Variants in SLC4A5 observed in about 807,000 individuals in gnomAD.
SLC4A5 encodes the protein solute carrier family 4 member 5.
Under a neutral mutation model 120.4 loss-of-function variants are expected in SLC4A5, and 96 were observed. The ratio of observed to expected loss-of-function variants is 0.80; its 90% confidence interval spans 0.68 to 0.94. The LOEUF (loss-of-function observed/expected upper bound fraction) is 0.94, where lower values mean the gene tolerates loss of function less well. SLC4A5 is among the 40% of genes least tolerant of loss of function. SLC4A5 has a pLI of 0.00. For synonymous variants in SLC4A5, 550 were observed against 571.1 expected (o/e 0.96, Z 0.53); for missense variants, 1,259 against 1,459.5 (o/e 0.86, Z 2.24).
At chr2:74,306,158 C>T (rs1672636843) in intron 6 of SLC4A5, among the ~76,000 whole-genome samples, 1 of 152,222 alleles carries the variant, frequency 6.6e-6, no homozygotes, top group South Asian at 2.1e-4. Flanking sequence ...TGATCAAAAA[C>T]CACCTAAATC....
At chr2:74,280,078 C>G (rs1177055506) in intron 8 of SLC4A5, among the ~76,000 whole-genome samples, 2 of 152,142 alleles carry the variant, frequency 1.3e-5, no homozygotes, top group Non-Finnish European at 2.9e-5. Flanking sequence ...TCCTCTGAAG[C>G]TCTCAGCACC....
rs151284937 is a variant in SLC4A5, at chr2:74,290,622, T to TGAGAGA, written c.272-4726_272-4721dup. The TGAGAGA allele has an allele frequency of 7.3e-3, 6,478 of 885,276 alleles. 212 individuals are homozygous for TGAGAGA. In the African/African-American group the frequency reaches 0.11, roughly 15 times the overall value. The allele number at this position is 885,276 out of a possible 1,614,324, so 54.8% of individuals were successfully genotyped here. On this transcript the variant is annotated intron_variant, in intron 7 of 30. Transcript: ENST00000394019. ...AGAGACAGAGAGAGAGACAGAGAAG[T>TGAGAGA]GAGAGAGAGAGAGAGAGAGAGAGAG...
intron 6 of SLC4A5, among the ~76,000 whole-genome samples, chr2:74,305,627 A>G (rs1348594404): frequency 2.0e-5 from 3 of 151,872 alleles, no homozygotes; most frequent in African/African-American, 7.3e-5. Flanking sequence ...TACATCTACA[A>G]TTATATATCA....
rs889866921 is a variant in SLC4A5, at chr2:74,233,664, T to G, written c.2434-101A>C. The G allele has an allele frequency of 2.2e-6, 3 of 1,383,950 alleles. No homozygotes were observed. The African/African-American group carries it at 4.4e-5, about 20-fold the overall frequency. 85.7% of individuals were successfully genotyped at this position (1,383,950 alleles called of 1,614,324 possible). On this transcript the variant is annotated intron_variant, in intron 22 of 30. Transcript: ENST00000394019. ...CCACCTCCTCAACTTTCCCTGACTT[T>G]GGGTACTTTTCAAGTGCAATCTTTT...
chr2:74,330,950 G>T (rs1402611965), intron 4 of SLC4A5, among the ~76,000 whole-genome samples: 1 of 146,044 alleles, frequency 6.8e-6, no homozygotes, highest in Non-Finnish European at 1.5e-5. Flanking sequence ...TTATAGGTGA[G>T]GGTGGTGAGG....
rs1335234827 is a variant in SLC4A5 at position 74,308,104 on chromosome 2, T to C, written c.80-3424A>G. On this transcript the variant is annotated intron_variant, in intron 6 of 30. Coordinates refer to ENST00000394019, the Ensembl canonical transcript of SLC4A5. The stretch of plus-strand genomic sequence containing the variant: ...AACAATATTCCACCGATCAATGTAC[T>C]GTAGTTTGTTCATCCATTCTCCTAT... The C allele has an allele frequency of 3.2e-5, 13 of 404,966 alleles. No homozygotes were observed. In the East Asian group the frequency reaches 7.6e-4, roughly 24 times the overall value. The allele number at this position is 404,966 out of a possible 1,614,324, so 25.1% of individuals were successfully genotyped here.
rs1558864722 is a variant in SLC4A5 at position 74,224,866 on chromosome 2, C to CT, written c.3219dup (p.Gly1074ArgfsTer7). On this transcript the variant is annotated frameshift_variant, in exon 28 of 31. Transcript: ENST00000394019. LOFTEE classifies it high-confidence loss of function. ...TCCTCATCACAGTCCTCGTGGGCCC[C>CT]TTTTTTTCTCTTCCTCTTCTTGTCT... is the stretch of plus-strand genomic sequence containing the variant. 5 of 1,613,220 alleles carry CT rather than the reference C, an allele frequency of 3.1e-6. No homozygotes were observed. In the Admixed American group the frequency reaches 6.7e-5, roughly 22 times the overall value.
At chr2:74,277,835 T>C (rs977012502) in intron 8 of SLC4A5, among the ~76,000 whole-genome samples, 5 of 152,102 alleles carry the variant, frequency 3.3e-5, no homozygotes, top group African/African-American at 1.2e-4. Context: ...GTGTTTACAA[T>C]GAAGTCTAAT....
intron 17 of SLC4A5, among the ~76,000 whole-genome samples, chr2:74,249,568 G>C (rs948697798): frequency 1.3e-5 from 2 of 152,184 alleles, no homozygotes; most frequent in African/African-American, 4.8e-5. Context: ...GGCCACATGG[G>C]GCAGCTGGGA....
chr2:74,227,351 C>A (rs1694882087), intron 26 of SLC4A5, among the ~76,000 whole-genome samples: 1 of 152,290 alleles, frequency 6.6e-6, no homozygotes, highest in African/African-American at 2.4e-5. Flanking sequence ...AGCCCTGGAG[C>A]TGGCCACAAA....
intron 7 of SLC4A5, chr2:74,290,724 T>A (rs1672139552): frequency 1.0e-6 from 1 of 985,134 alleles, no homozygotes; most frequent in Admixed American, 6.2e-5. Context: ...AAAGGCTCAG[T>A]GGCTGCAGCA....
intron 16 of SLC4A5, among the ~76,000 whole-genome samples, chr2:74,251,469 T>TA (rs397968092): frequency 0.021 from 3,031 of 143,738 alleles, 102 homozygotes; most frequent in African/African-American, 0.071. Context: ...TTATTTTCTT[T>TA]AAAAAAAAAA....
At chr2:74,268,508 G>T (rs1156409857) in intron 8 of SLC4A5, among the ~76,000 whole-genome samples, 1 of 152,246 alleles carries the variant, frequency 6.6e-6, no homozygotes, top group Non-Finnish European at 1.5e-5. Context: ...GATAGGAACA[G>T]TTCTCAACTG....
rs138207709 is a variant in SLC4A5, at chr2:74,264,320, C to T, written c.563-21G>A. 1.3e-4 allele frequency: 215 copies of T among 1,609,328 alleles called. 1 individual carries two copies. In the African/African-American group the frequency reaches 2.4e-3, roughly 18 times the overall value. On this transcript the variant is annotated intron_variant, in intron 9 of 30. Coordinates refer to ENST00000394019, the Ensembl canonical transcript of SLC4A5. ...ATCATCTGTGTGGAAAACATACACACCTCATCCCTGTGGGACAGAACAGCT... is the reference window on the plus strand; with the variant it reads ...ATCATCTGTGTGGAAAACATACACATCTCATCCCTGTGGGACAGAACAGCT...
At position 74,248,439 on chromosome 2, in the gene SLC4A5, G is replaced by A; in HGVS notation, c.1701C>T (p.Phe567=). 3 of 1,614,180 alleles carry A rather than the reference G, an allele frequency of 1.9e-6. No homozygotes were observed. The African/African-American group carries it at 4.0e-5, about 22-fold the overall frequency. ...TGAGAGGCTGTCCCGAGAAGAGGCA[G>A]AACAAGGAGCCAGCCATGGCAGTGC... is the stretch of plus-strand genomic sequence containing the variant. The change falls in exon 18 of 31, where the codon TTC becomes TTT. Residue 567 remains phenylalanine, a synonymous_variant. Transcript: ENST00000394019.
At chr2:74,304,497 C>A (rs759378147) in exon 7 of SLC4A5, 1 of 1,610,952 alleles carries the variant, frequency 6.2e-7, no homozygotes, top group South Asian at 1.1e-5. Flanking sequence ...ACGAGTCCTG[C>A]TGATAAGATC....
chr2:74,303,918 C>T (rs1237843380), intron 7 of SLC4A5, among the ~76,000 whole-genome samples: 15 of 149,826 alleles, frequency 1.0e-4, no homozygotes, highest in Admixed American at 1.3e-4. Flanking sequence ...GGCGGGATCT[C>T]GGCTCACTGC....
At chr2:74,291,370 T>C (rs777068889) in intron 7 of SLC4A5, among the ~76,000 whole-genome samples, 1 of 152,232 alleles carries the variant, frequency 6.6e-6, no homozygotes, top group Non-Finnish European at 1.5e-5. Context: ...CACTGAGTGG[T>C]GGCTGCTCCA....
At chr2:74,232,798 G>T in intron 23 of SLC4A5, 151 bp from the exon 24 acceptor site, 1 of 931,182 alleles carries the variant, frequency 1.1e-6, no homozygotes, top group Non-Finnish European at 1.6e-6. Flanking sequence ...TGCAGAGGTG[G>T]GTGTGTCCTG....
Sources: gnomAD v4.1 joint callset for allele counts (sites outside exome capture counted in the v4.1 genomes callset) on GRCh38, gnomAD v4.1.1 for gene constraint, MANE v1.5 for transcripts, NCBI Gene and HGNC (gene_info 2026-07-23, HGNC 2026-07-21) for gene names.